Variants in KCNIP3 observed in about 807,000 individuals in gnomAD.
KCNIP3 encodes calsenilin.
A neutral mutation model predicts 35.0 loss-of-function variants in KCNIP3; 28 were observed. The ratio of observed to expected loss-of-function variants is 0.80; its 90% confidence interval spans 0.59 to 1.10. The LOEUF is 1.10. KCNIP3 is among the 50% of genes least tolerant of loss of function. The probability of loss-of-function intolerance (pLI) is 0.00; values close to 1 mark genes in which losing one functional copy is unlikely to be tolerated. For missense variants in KCNIP3, 295 were observed against 338.4 expected, an observed-to-expected ratio of 0.87 and a Z score of 1.01; for synonymous variants, 134 against 133.8, an observed-to-expected ratio of 1.00 and a Z score of -0.01.
intron 5 of KCNIP3, 117 bp from the exon 6 acceptor site, chr2:95,381,479 C>A: frequency 1.4e-6 from 1 of 716,252 alleles, no homozygotes; most frequent in Middle Eastern, 2.4e-4. Flanking sequence ...CCGTCAGTCT[C>A]TTAGGGAGGC....
At position 95,382,422 on chromosome 2, in the gene KCNIP3, C is replaced by T. The variant is rs1196868782; in HGVS notation, c.601C>T (p.His201Tyr). ...MKSIYDMMGR[H>Y]TYPILREDAP... Reference sequence around the variant, plus strand: ...GTCCATCTATGACATGATGGGCCGCCACACCTACCCCATCCTGCGGGAGGA... The same window carrying T: ...GTCCATCTATGACATGATGGGCCGCTACACCTACCCCATCCTGCGGGAGGA... The change falls in exon 7 of 9, where the codon CAC becomes TAC. Residue 201 changes from histidine (H) to tyrosine (Y), a missense_variant. Coordinates refer to ENST00000295225, the MANE Select transcript of KCNIP3 (RefSeq NM_013434.5). This position sits in a 1 kb window ranked among gnomAD's most constrained non-coding sequence, Gnocchi z 4.5. The T allele has an allele frequency of 6.2e-7, 1 of 1,608,894 alleles. No homozygotes were observed. Among genetic ancestry groups the T allele is most frequent in the South Asian group, 1.1e-5 (1 of 90,626 alleles).
At chr2:95,319,719 G>A (rs552859027) in intron 2 of KCNIP3, among the ~76,000 whole-genome samples, 34 of 152,326 alleles carry the variant, frequency 2.2e-4, no homozygotes, top group African/African-American at 7.5e-4. Context: ...GCAAGAGTCC[G>A]TATCGTCTGG....
intron 2 of KCNIP3, chr2:95,310,857 C>T (rs1009973670): frequency 3.0e-5 from 11 of 364,374 alleles, no homozygotes; most frequent in African/African-American, 1.0e-4. Flanking sequence ...CTGAGTAAGC[C>T]GGGGCACCTC....
rs751169888 is a variant in KCNIP3, at chr2:95,374,249, G to A, written c.182-47G>A. On this transcript the variant is annotated intron_variant, in intron 2 of 8. Transcript: ENST00000295225. Reference sequence around the variant, plus strand: ...CTGGCCACACTGGAGCAAGATGGAGGAGCAGGGCTACAGGCCTTACACTCT... The same window carrying A: ...CTGGCCACACTGGAGCAAGATGGAGAAGCAGGGCTACAGGCCTTACACTCT... 4 of 1,595,918 alleles carry A rather than the reference G, an allele frequency of 2.5e-6. No homozygotes were observed. In the East Asian group the frequency reaches 6.7e-5, roughly 27 times the overall value.
intron 1 of KCNIP3, 49 bp from the exon 2 acceptor site, chr2:95,310,305 TC>T (rs201122915): frequency 3.2e-5 from 51 of 1,609,384 alleles, no homozygotes; most frequent in Admixed American, 5.0e-5. Flanking sequence ...CATCCAGGGG[TC>T]CCCCCTCTGA....
chr2:95,316,302 C>T (rs535028234), intron 2 of KCNIP3, among the ~76,000 whole-genome samples: 1 of 152,352 alleles, frequency 6.6e-6, no homozygotes, highest in African/African-American at 2.4e-5. Context: ...GCACAGGAGG[C>T]CCGCCGGGCA....
At chr2:95,299,622 C>T (rs1677969874) in intron 1 of KCNIP3, among the ~76,000 whole-genome samples, 1 of 152,218 alleles carries the variant, frequency 6.6e-6, no homozygotes, top group South Asian at 2.1e-4. Context: ...GAGAAAGGAG[C>T]GAAAGACCCG....
chr2:95,327,588 G>A (rs1233814295), intron 2 of KCNIP3, among the ~76,000 whole-genome samples: 1 of 152,212 alleles, frequency 6.6e-6, no homozygotes, highest in Non-Finnish European at 1.5e-5. Context: ...TGTCCACTGT[G>A]AGGAGGGATC....
At chr2:95,354,335 T>G (rs536679140) in intron 2 of KCNIP3, among the ~76,000 whole-genome samples, 1 of 152,368 alleles carries the variant, frequency 6.6e-6, no homozygotes, top group African/African-American at 2.4e-5. Flanking sequence ...TCAGTAAATG[T>G]AAGTTATATG....
At chr2:95,342,098 C>A (rs1239329664) in intron 2 of KCNIP3, among the ~76,000 whole-genome samples, 1 of 151,992 alleles carries the variant, frequency 6.6e-6, no homozygotes, top group Admixed American at 6.6e-5. Context: ...AGAGCATGTG[C>A]GAAGACCCTG....
rs764372700 is a variant in KCNIP3, at chr2:95,381,691, C to T, written c.543C>T (p.Tyr181=). The T allele has an allele frequency of 6.8e-6, 11 of 1,612,438 alleles. No homozygotes were observed. The highest frequency in any genetic ancestry group is 2.2e-5 in the South Asian group (2 of 91,050). ...FNLYDINKDG[Y]ITKEEMLAIM... ...TCTACGACATTAACAAGGATGGCTA[C>T]ATCACCAAAGAGGTAGTAGGGGGCT... The change falls in exon 6 of 9, where the codon TAC becomes TAT. Residue 181 remains tyrosine, a synonymous_variant. Transcript: ENST00000295225.
At chr2:95,325,914 C>T (rs1678754466) in intron 2 of KCNIP3, among the ~76,000 whole-genome samples, 1 of 151,612 alleles carries the variant, frequency 6.6e-6, no homozygotes, top group African/African-American at 2.4e-5. Flanking sequence ...TTCACTCATA[C>T]ACATACACAC....
Position 95,374,393 on chromosome 2 carries a change from G to A in KCNIP3, c.279G>A (p.Leu93=). 1.2e-6 allele frequency: 2 copies of A among 1,614,202 alleles called. No homozygotes were observed. The highest frequency in any genetic ancestry group is 1.7e-6 in the Non-Finnish European group (2 of 1,180,002). ...AGACCAAGTTCACCAAGAAGGAGCTGCAGTCTCTCTACAGGGGCTTTAAGA... is the reference window on the plus strand; with the variant it reads ...AGACCAAGTTCACCAAGAAGGAGCTACAGTCTCTCTACAGGGGCTTTAAGA... ...QAQTKFTKKE[L]QSLYRGFKNE... Residue 93 remains leucine, a synonymous_variant, in exon 3 of 9, where the codon CTG becomes CTA. Transcript: ENST00000295225.
intron 1 of KCNIP3, chr2:95,303,313 C>A (rs1350538235): frequency 1.3e-5 from 2 of 152,248 alleles, no homozygotes; most frequent in Non-Finnish European, 2.9e-5. Context: ...ATGTCCGGTC[C>A]AGGTCCTGGA....
At chr2:95,381,035 C>G (rs1035447252) in intron 5 of KCNIP3, among the ~76,000 whole-genome samples, 3 of 152,208 alleles carry the variant, frequency 2.0e-5, no homozygotes, top group African/African-American at 7.2e-5. Context: ...CATCATTCCT[C>G]TAGCTATTTA....
chr2:95,298,246 A>G (rs1456242343), intron 1 of KCNIP3, among the ~76,000 whole-genome samples: 2 of 152,072 alleles, frequency 1.3e-5, no homozygotes, highest in Non-Finnish European at 2.9e-5. Flanking sequence ...GCTGCTCATA[A>G]CAGAACGCCC....
Position 95,378,843 on chromosome 2 carries a change from TAC to T in KCNIP3, c.448-2749_448-2748del, listed in dbSNP as rs1680267803. ...ACACATATATACACACATATTTATATACACATATATATACACATATATACACA... is the reference window on the plus strand; with the variant it reads ...ACACATATATACACACATATTTATATACATATATATACACATATATACACA... On this transcript the variant is annotated intron_variant, in intron 5 of 8. Coordinates refer to ENST00000295225, the MANE Select transcript of KCNIP3 (RefSeq NM_013434.5). This position sits in a 1 kb window ranked among gnomAD's most constrained non-coding sequence, Gnocchi z 4.0. Among the ~76,000 whole-genome samples the T allele has an allele frequency of 6.6e-6, 1 of 151,008 alleles. No individual in the cohort carries two copies. Among genetic ancestry groups the T allele is most frequent in the Admixed American group, 6.6e-5 (1 of 15,058 alleles).
chr2:95,357,447 G>C (rs1471175258), intron 2 of KCNIP3, among the ~76,000 whole-genome samples: 1 of 152,110 alleles, frequency 6.6e-6, no homozygotes, highest in East Asian at 2.0e-4. Flanking sequence ...CTGTCAGCCA[G>C]AGGCACCAGT....
At chr2:95,379,537 C>T (rs1573523220) in intron 5 of KCNIP3, among the ~76,000 whole-genome samples, 1 of 152,222 alleles carries the variant, frequency 6.6e-6, no homozygotes, top group East Asian at 1.9e-4. Context: ...CTGCCTTTCT[C>T]TTGCTTTACT....
Sources: allele counts gnomAD v4.1 joint callset (sites outside exome capture counted in the v4.1 genomes callset), GRCh38; gene constraint gnomAD v4.1.1; non-coding constraint Gnocchi (gnomAD v3.1); transcripts MANE v1.5; gene names NCBI Gene and HGNC (gene_info 2026-07-23, HGNC 2026-07-21).